The following FAM81A variants were observed in gnomAD, a reference collection of about 807,000 sequenced individuals.
FAM81A encodes the protein family with sequence similarity 81 member A.
In FAM81A, 19 loss-of-function variants were observed where a neutral mutation model predicts 46.7. The ratio of observed to expected loss-of-function variants is 0.41; its 90% CI spans 0.28 to 0.60. The LOEUF (loss-of-function observed/expected upper bound fraction) is 0.60. FAM81A is among the 20% of genes least tolerant of loss of function. FAM81A has a pLI of 0.34. For missense variants in FAM81A, 377 were observed against 453.5 expected, an observed-to-expected ratio of 0.83 and a Z score of 1.53; for synonymous variants, 183 against 152.9, an observed-to-expected ratio of 1.20 and a Z score of -1.45.
rs1270427512 is a variant in FAM81A at position 59,442,630 on chromosome 15, A to G, written c.-78+4348A>G. 4.0e-5 allele frequency among the ~76,000 whole-genome samples: 6 copies of G among 151,304 alleles called. No homozygotes were observed. The East Asian group carries it at 1.2e-3, about 29-fold the overall frequency. On this transcript the variant is annotated intron_variant, in intron 1 of 8. Transcript: ENST00000288228. ...AGACTCCGTCTCTCAAAAAAAAAAA[A>G]AAAAAAAAAAGAAAAGAAAAGAAAA...
At chr15:59,458,041 C>T (rs1205849178) in intron 1 of FAM81A, among the ~76,000 whole-genome samples, 1 of 152,128 alleles carries the variant, frequency 6.6e-6, no homozygotes, top group Admixed American at 6.6e-5. Flanking sequence ...GGATAGATAT[C>T]TTCCCACAAA....
chr15:59,402,250 C>T (rs1329800792), intron 1 of FAM81A: 1 of 165,624 alleles, frequency 6.0e-6, no homozygotes, highest in African/African-American at 2.4e-5. Context: ...CTTAATATTC[C>T]TTAATATCCC....
At chr15:59,426,874 A>G (rs1227448193) in intron 2 of FAM81A, among the ~76,000 whole-genome samples, 1 of 152,240 alleles carries the variant, frequency 6.6e-6, no homozygotes, top group Admixed American at 6.5e-5. Context: ...ACTATTGTTC[A>G]CAGCTGAGTC....
rs185147791 is a variant in FAM81A, at chr15:59,473,854, T to C, written c.294+13648T>C. 7.4e-4 allele frequency among the ~76,000 whole-genome samples: 113 copies of C among 152,304 alleles called. 1 individual carries two copies. The highest frequency in any genetic ancestry group is 2.2e-3 in the African/African-American group (92 of 41,564). On this transcript the variant is annotated intron_variant, in intron 3 of 8. Coordinates refer to ENST00000288228, the MANE Select transcript of FAM81A (RefSeq NM_152450.3). The stretch of plus-strand genomic sequence containing the variant: ...CCAGAACCACTTTATTTTATTTTAT[T>C]TTTTTAGAGACAAGGTCTTGCTATG...
chr15:59,448,573 A>G (rs546498645), intron 1 of FAM81A, among the ~76,000 whole-genome samples: 2 of 152,070 alleles, frequency 1.3e-5, no homozygotes, highest in East Asian at 1.9e-4. Flanking sequence ...CATACTATAA[A>G]TCCACCTTGG....
At chr15:59,513,208 T>C (rs1383812031) in intron 6 of FAM81A, among the ~76,000 whole-genome samples, 3 of 152,160 alleles carry the variant, frequency 2.0e-5, no homozygotes, top group Non-Finnish European at 4.4e-5. Flanking sequence ...GAGGGTTTTA[T>C]TTTTTTCTTT....
chr15:59,496,773 T>G (rs1472381227), intron 4 of FAM81A, among the ~76,000 whole-genome samples: 1 of 152,190 alleles, frequency 6.6e-6, no homozygotes, highest in African/African-American at 2.4e-5. Flanking sequence ...GTCCTCCAAC[T>G]TCATCCTTTT....
intron 1 of FAM81A, among the ~76,000 whole-genome samples, chr15:59,454,616 T>C (rs1471156551): frequency 6.6e-6 from 1 of 151,964 alleles, no homozygotes; most frequent in African/African-American, 2.4e-5. Flanking sequence ...TTTTGGGCAT[T>C]TGGATTATTT....
intron 3 of FAM81A, among the ~76,000 whole-genome samples, chr15:59,483,922 G>A (rs923172685): frequency 3.3e-5 from 5 of 152,164 alleles, no homozygotes; most frequent in South Asian, 4.1e-4. Flanking sequence ...GGGCGGGCTC[G>A]TTCCCCACTG....
At chr15:59,503,519 T>G (rs906244615) in intron 4 of FAM81A, among the ~76,000 whole-genome samples, 33 of 152,148 alleles carry the variant, frequency 2.2e-4, no homozygotes, top group African/African-American at 7.5e-4. Flanking sequence ...AGCATGCTTT[T>G]TAATTGGATA....
In FAM81A at chr15:59,514,422, A is replaced by T; in HGVS notation, c.784A>T (p.Ser262Cys). 6.2e-7 allele frequency: 1 copy of T among 1,612,222 alleles called. No homozygotes were observed. The highest frequency in any genetic ancestry group is 8.5e-7 in the Non-Finnish European group (1 of 1,179,394). Residue 262 changes from serine (S) to cysteine (C), a missense_variant and splice_region_variant, in exon 7 of 9, where the codon AGT becomes TGT. Coordinates refer to ENST00000288228, the MANE Select transcript of FAM81A (RefSeq NM_152450.3). ...GCTTTCCTTGATTGTTAAGGAAAAC[A>T]GTGTAGGTATTGATGTTTAGCAAAA... Reference protein sequence around the residue: ...DQLSLIVKENSGASERDMEKK... With the variant: ...DQLSLIVKENCGASERDMEKK...
intron 2 of FAM81A, among the ~76,000 whole-genome samples, chr15:59,421,487 C>A (rs527421259): frequency 1.3e-5 from 2 of 152,110 alleles, no homozygotes; most frequent in African/African-American, 2.4e-5. Context: ...TAAGACTTCC[C>A]CCAAGTCTGC....
intron 1 of FAM81A, among the ~76,000 whole-genome samples, chr15:59,447,827 C>G (rs1218754594): frequency 2.0e-5 from 3 of 152,088 alleles, no homozygotes; most frequent in Non-Finnish European, 4.4e-5. Context: ...AAGGTAGCCT[C>G]AAGACCATGG....
intron 1 of FAM81A, among the ~76,000 whole-genome samples, chr15:59,447,059 G>GA (rs1443707410): frequency 6.6e-6 from 1 of 152,088 alleles, no homozygotes; most frequent in Non-Finnish European, 1.5e-5. Context: ...AAAGTATTTT[G>GA]AAAATAAGGA....
intron 7 of FAM81A, among the ~76,000 whole-genome samples, chr15:59,515,300 C>A (rs1227024276): frequency 2.0e-5 from 3 of 152,198 alleles, no homozygotes; most frequent in African/African-American, 7.2e-5. Context: ...TGCTCCCAAA[C>A]CAGTACCTGG....
At position 59,521,722 on chromosome 15, in the gene FAM81A, A is replaced by G. The variant is rs2082330395; in HGVS notation, c.*344A>G. The stretch of plus-strand genomic sequence containing the variant: ...CTAATGAAGACTGTTTACTATTTTG[A>G]AAAATGTCATGGGGATTTTTTTTTA... On this transcript the variant is annotated 3_prime_UTR_variant, in exon 9 of 9. Transcript: ENST00000288228. The G allele has an allele frequency of 5.9e-6, 1 of 170,040 alleles. No individual in the cohort carries two copies. Among genetic ancestry groups the G allele is most frequent in the African/African-American group, 2.4e-5 (1 of 42,186 alleles). The allele number at this position is 170,040 out of a possible 1,614,324, so 10.5% of individuals were successfully genotyped here.
intron 6 of FAM81A, among the ~76,000 whole-genome samples, chr15:59,511,980 G>A (rs1290947121): frequency 6.6e-6 from 1 of 152,064 alleles, no homozygotes; most frequent in Non-Finnish European, 1.5e-5. Flanking sequence ...AGCAAAGATG[G>A]ATAAAAACAA....
intron 1 of FAM81A, chr15:59,445,441 T>C (rs1225163357): frequency 6.6e-6 from 1 of 152,138 alleles, no homozygotes; most frequent in Non-Finnish European, 1.5e-5. Flanking sequence ...AGGTTTCTTT[T>C]TTCCCCCATT....
In FAM81A at chr15:59,521,353, T is replaced by G; in HGVS notation, c.1082T>G (p.Met361Arg). The G allele has an allele frequency of 6.2e-7, 1 of 1,612,506 alleles. No homozygotes were observed. The highest frequency in any genetic ancestry group is 8.5e-7 in the Non-Finnish European group (1 of 1,179,138). Residue 361 changes from methionine (M) to arginine (R), a missense_variant, in exon 9 of 9, where the codon ATG becomes AGG. Transcript: ENST00000288228. ...CAGCTACAGAAGCAAATCCAGCTGA[T>G]GCAGAAGCCAGAGACCCCCATGTGA... ...RDQLQKQIQL[M>R]QKPETPM
Sources: allele counts gnomAD v4.1 joint callset (sites outside exome capture counted in the v4.1 genomes callset), GRCh38; gene constraint gnomAD v4.1.1; transcripts MANE v1.5; gene names NCBI Gene and HGNC (gene_info 2026-07-23, HGNC 2026-07-21).